The following DHRSX variants were observed in gnomAD, a reference collection of about 807,000 sequenced individuals.
The protein encoded by DHRSX is polyprenol dehydrogenase.
DHRSX carries 31 observed loss-of-function variants against 34.0 expected under a neutral mutation model. The observed-to-expected ratio is 0.91, with a 90% CI of 0.69 to 1.23. The LOEUF is 1.23. Ranked by LOEUF, DHRSX falls within the 50% of genes most tolerant of loss-of-function variation. The probability of loss-of-function intolerance (pLI) is 0.00; values close to 1 mark genes in which losing one functional copy is unlikely to be tolerated. For synonymous variants in DHRSX, 201 were observed against 183.8 expected (o/e 1.09, Z -0.76); for missense variants, 414 against 428.1 (o/e 0.97, Z 0.29).
intron 2 of DHRSX, among the ~76,000 whole-genome samples, chrX:2,411,409 C>T (rs1263324472): frequency 6.6e-6 from 1 of 151,852 alleles, no homozygotes; most frequent in Admixed American, 6.6e-5. Context: ...ATTAGATGGG[C>T]ATGGTGATGT....
At chrX:2,343,745 C>T (rs1418186535) in intron 3 of DHRSX, among the ~76,000 whole-genome samples, 1 of 152,214 alleles carries the variant, frequency 6.6e-6, no homozygotes, top group Non-Finnish European at 1.5e-5. Flanking sequence ...TATCCCTGTG[C>T]TCCTTTGTTA....
At chrX:2,285,254 A>T (rs1158481607) in intron 4 of DHRSX, among the ~76,000 whole-genome samples, 1 of 152,176 alleles carries the variant, frequency 6.6e-6, no homozygotes, top group Non-Finnish European at 1.5e-5. Flanking sequence ...ATATAGAATC[A>T]GTGGGAGCCC....
chrX:2,223,147 C>G, intron 6 of DHRSX, among the ~76,000 whole-genome samples: 1 of 152,142 alleles, frequency 6.6e-6, no homozygotes, highest in Non-Finnish European at 1.5e-5. Flanking sequence ...TCATCTTGAA[C>G]TGTAGCTCCC....
At chrX:2,443,271 G>A (rs1396700167) in intron 1 of DHRSX, among the ~76,000 whole-genome samples, 4 of 151,936 alleles carry the variant, frequency 2.6e-5, no homozygotes, top group African/African-American at 7.3e-5. Context: ...GGACTCAAGT[G>A]ATTTTCCCAC....
At chrX:2,237,564 G>A (rs761174964) in intron 6 of DHRSX, among the ~76,000 whole-genome samples, 1 of 151,374 alleles carries the variant, frequency 6.6e-6, no homozygotes, top group South Asian at 2.1e-4. Context: ...GGAGTGCAGT[G>A]GCATGATCTG....
At chrX:2,403,813 A>G (rs1003782894) in intron 3 of DHRSX, among the ~76,000 whole-genome samples, 19 of 151,220 alleles carry the variant, frequency 1.3e-4, no homozygotes, top group East Asian at 7.8e-4. Flanking sequence ...CCGAGATCAC[A>G]CCACTGCATT....
chrX:2,267,509 C>T (rs1313102307), intron 4 of DHRSX, among the ~76,000 whole-genome samples: 1 of 147,938 alleles, frequency 6.8e-6, no homozygotes, highest in Admixed American at 6.8e-5. Context: ...CATGCCACTG[C>T]ACTCCAGCCT....
intron 3 of DHRSX, among the ~76,000 whole-genome samples, chrX:2,297,763 T>G (rs1004097054): frequency 4.9e-4 from 12 of 24,324 alleles, no homozygotes; most frequent in African/African-American, 8.9e-4. Flanking sequence ...TCTTTTTGAG[T>G]TTTTTTTTTT....
intron 5 of DHRSX, among the ~76,000 whole-genome samples, chrX:2,245,973 AAAAAC>A: frequency 6.7e-6 from 1 of 149,018 alleles, no homozygotes; most frequent in African/African-American, 2.5e-5. Flanking sequence ...AAAAAAACAA[AAAAAC>A]AAAAAAACAC....
At chrX:2,427,290 A>AG (rs2043862677) in intron 1 of DHRSX, among the ~76,000 whole-genome samples, 1 of 152,134 alleles carries the variant, frequency 6.6e-6, no homozygotes, top group Non-Finnish European at 1.5e-5. Flanking sequence ...GGAAGAGAGG[A>AG]GGGAAGAAGG....
At chrX:2,255,951 T>A (rs2041271506) in intron 5 of DHRSX, among the ~76,000 whole-genome samples, 2 of 151,536 alleles carry the variant, frequency 1.3e-5, no homozygotes, top group Non-Finnish European at 2.9e-5. Flanking sequence ...CAAAACAAAT[T>A]TAAGGGTCTC....
chrX:2,375,844 G>A (rs2043135009), intron 3 of DHRSX, among the ~76,000 whole-genome samples: 1 of 136,544 alleles, frequency 7.3e-6, no homozygotes, highest in Non-Finnish European at 1.7e-5. Context: ...TGTTGGCCAA[G>A]CTGGTCTCGA....
chrX:2,349,095 G>A (rs1212928903), intron 3 of DHRSX, among the ~76,000 whole-genome samples: 4 of 151,954 alleles, frequency 2.6e-5, no homozygotes, highest in East Asian at 1.9e-4. Context: ...TGGTACGGAC[G>A]TTCCTCAAAA....
chrX:2,401,514 G>C (rs1237368764), intron 3 of DHRSX, among the ~76,000 whole-genome samples: 2 of 152,176 alleles, frequency 1.3e-5, no homozygotes, highest in African/African-American at 4.8e-5. Context: ...CACAGCACGT[G>C]TCTAGTCTGA....
chrX:2,233,092 CAA>C (rs2015934726), intron 6 of DHRSX, among the ~76,000 whole-genome samples: 1 of 151,660 alleles, frequency 6.6e-6, no homozygotes, highest in African/African-American at 2.4e-5. Flanking sequence ...AGAAATATGC[CAA>C]AGAGACTAGA....
intron 6 of DHRSX, among the ~76,000 whole-genome samples, chrX:2,238,536 C>G (rs947705341): frequency 6.6e-6 from 1 of 151,830 alleles, no homozygotes; most frequent in Non-Finnish European, 1.5e-5. Context: ...GTATGTCACA[C>G]AGATTCTCCC....
rs191151166 is a variant in DHRSX at position 2,321,047 on chromosome X, G to C, written c.287-29444C>G. On this transcript the variant is annotated intron_variant, in intron 3 of 6. Coordinates refer to ENST00000334651, the MANE Select transcript of DHRSX (RefSeq NM_145177.3). ...TGATAGCTTCTGTGCCACTTCAGCC[G>C]AACACTGGCTCTGAAAACAGCCTCA... Among the ~76,000 whole-genome samples the C allele has an allele frequency of 2.2e-3, 338 of 152,194 alleles. 1 individual carries two copies. Among genetic ancestry groups the C allele is most frequent in the African/African-American group, 7.3e-3 (304 of 41,542 alleles).
At chrX:2,492,313 A>G (rs1312893651) in intron 1 of DHRSX, among the ~76,000 whole-genome samples, 1 of 152,206 alleles carries the variant, frequency 6.6e-6, no homozygotes, top group Non-Finnish European at 1.5e-5. Context: ...ACACGGACAC[A>G]CAGGAGAAGA....
At chrX:2,234,546 T>C (rs2015969931) in intron 6 of DHRSX, among the ~76,000 whole-genome samples, 1 of 152,228 alleles carries the variant, frequency 6.6e-6, no homozygotes. Context: ...AGCAAAGATA[T>C]GCAATCAACC....
Sources: gnomAD v4.1 joint callset for allele counts (sites outside exome capture counted in the v4.1 genomes callset) on GRCh38, gnomAD v4.1.1 for gene constraint, MANE v1.5 for transcripts, NCBI Gene and HGNC (gene_info 2026-07-23, HGNC 2026-07-21) for gene names.